The following ASAP1 variants were observed in gnomAD, a reference collection of about 807,000 sequenced individuals.
ASAP1 encodes the protein ArfGAP with SH3 domain, ankyrin repeat and PH domain 1.
A neutral mutation model predicts 145.2 loss-of-function variants in ASAP1; 43 were observed. The ratio of observed to expected loss-of-function variants is 0.30; its 90% confidence interval spans 0.23 to 0.38. The LOEUF (loss-of-function observed/expected upper bound fraction) is 0.38. Among genes scored for constraint, ASAP1 ranks in the 10% least tolerant of loss-of-function variants. The probability of loss-of-function intolerance (pLI) is 1.00; values close to 1 mark genes in which losing one functional copy is unlikely to be tolerated. For synonymous variants in ASAP1, 546 were observed against 515.5 expected (o/e 1.06, Z -0.80); for missense variants, 1,018 against 1,355.3 (o/e 0.75, Z 3.91).
chr8:130,129,801 A>C (rs1374955742), intron 15 of ASAP1, among the ~76,000 whole-genome samples: 1 of 152,220 alleles, frequency 6.6e-6, no homozygotes, highest in Non-Finnish European at 1.5e-5. Flanking sequence ...ACACAGCTTA[A>C]CTTCTGTGAT....
intron 23 of ASAP1, among the ~76,000 whole-genome samples, chr8:130,113,695 G>C (rs1413068283): frequency 1.3e-5 from 2 of 152,162 alleles, no homozygotes; most frequent in East Asian, 3.9e-4. Context: ...TTACTAGCTG[G>C]GAGACTTTAG....
At chr8:130,095,279 C>A (rs2097514917) in intron 24 of ASAP1, among the ~76,000 whole-genome samples, 4 of 145,138 alleles carry the variant, frequency 2.8e-5, no homozygotes. Flanking sequence ...CTACTTCTAT[C>A]TTTTTAGGCC....
At chr8:130,363,724 G>C (rs1826821431) in intron 2 of ASAP1, among the ~76,000 whole-genome samples, 1 of 152,220 alleles carries the variant, frequency 6.6e-6, no homozygotes, top group Admixed American at 6.5e-5. Context: ...GAGCCTGGCA[G>C]ACTCTAAATC....
intron 2 of ASAP1, among the ~76,000 whole-genome samples, chr8:130,383,661 A>AT (rs1201596714): frequency 2.0e-5 from 3 of 152,160 alleles, no homozygotes; most frequent in South Asian, 2.1e-4. Flanking sequence ...GAGATGTTAG[A>AT]TGGGGGATAA....
chr8:130,260,820 C>T (rs933739046), intron 3 of ASAP1, among the ~76,000 whole-genome samples: 5 of 152,112 alleles, frequency 3.3e-5, no homozygotes, highest in East Asian at 1.9e-4. Context: ...CATCCAGCCA[C>T]GGGATGAACA....
chr8:130,186,591 T>A (rs974154797), intron 7 of ASAP1, among the ~76,000 whole-genome samples: 2 of 152,096 alleles, frequency 1.3e-5, no homozygotes, highest in African/African-American at 4.8e-5. Context: ...ATTGTCCTAA[T>A]CCCTAACAAG....
Position 130,145,303 on chromosome 8 carries a change from T to A in ASAP1, c.1080+7433A>T, listed in dbSNP as rs769683169. On this transcript the variant is annotated intron_variant, in intron 13 of 29. Transcript: ENST00000518721. ...AATGCATTAATTTGATAGTAAAACATCTGAGCTATGGCATATGTTTTTTTC... is the reference window on the plus strand; with the variant it reads ...AATGCATTAATTTGATAGTAAAACAACTGAGCTATGGCATATGTTTTTTTC... Among the ~76,000 whole-genome samples the A allele has an allele frequency of 3.3e-5, 5 of 152,178 alleles. No individual in the cohort carries two copies. The East Asian group carries it at 9.6e-4, about 29-fold the overall frequency.
chr8:130,400,214 G>C (rs982331699), intron 2 of ASAP1, among the ~76,000 whole-genome samples: 1 of 152,090 alleles, frequency 6.6e-6, no homozygotes, highest in Non-Finnish European at 1.5e-5. Flanking sequence ...TCCACTACGC[G>C]GACTTCTTAG....
rs1209872039 is a variant in ASAP1 at position 130,280,910 on chromosome 8, T to TTTGTC, written c.187-43921_187-43917dup. Reference sequence around the variant, plus strand: ...CATAACCAAGAATCCATGTCAGTGATTTGTCTAACAGTCACTGATCTGTCT... The same window carrying TTTGTC: ...CATAACCAAGAATCCATGTCAGTGATTTGTCTTGTCTAACAGTCACTGATCTGTCT... On this transcript the variant is annotated intron_variant, in intron 3 of 29. Transcript: ENST00000518721. Among the ~76,000 whole-genome samples the TTTGTC allele has an allele frequency of 2.6e-5, 4 of 152,190 alleles. 1 individual carries two copies. Among genetic ancestry groups the TTTGTC allele is most frequent in the African/African-American group, 9.7e-5 (4 of 41,448 alleles).
chr8:130,060,848 G>C lies in ASAP1; in HGVS notation c.2923C>G (p.Pro975Ala). The change falls in exon 28 of 30, where the codon CCC becomes GCC. Residue 975 changes from proline to alanine, a missense_variant. Around this residue, in one of 9 missense-constraint regions of ASAP1, gnomAD observed 139 missense variants for 131.0 expected, o/e 1.06. Transcript: ENST00000518721. ...TTGGGAGGTAAGTCTGAGAGTTGGG[G>C]TTTGGGTGGCAGGTCCCCCAGCTGT... ...KPQLGDLPPK[P>A]QLSDLPPKPQ... The C allele has an allele frequency of 6.2e-7, 1 of 1,613,924 alleles. No individual in the cohort carries two copies. The highest frequency in any genetic ancestry group is 8.5e-7 in the Non-Finnish European group (1 of 1,179,988).
chr8:130,253,480 G>C (rs1819328818), intron 3 of ASAP1, among the ~76,000 whole-genome samples: 1 of 152,118 alleles, frequency 6.6e-6, no homozygotes, highest in Non-Finnish European at 1.5e-5. Context: ...TATGTGAATG[G>C]TGGTGCTACT....
At chr8:130,415,480 AAAAAC>A (rs527627505) in intron 1 of ASAP1, among the ~76,000 whole-genome samples, 11 of 152,112 alleles carry the variant, frequency 7.2e-5, no homozygotes, top group African/African-American at 2.2e-4. Context: ...TGTCTCTTAA[AAAAAC>A]AAAACAAAAC....
At chr8:130,378,563 G>A (rs537949382) in intron 2 of ASAP1, among the ~76,000 whole-genome samples, 63 of 152,328 alleles carry the variant, frequency 4.1e-4, no homozygotes, top group Non-Finnish European at 8.4e-4. Context: ...GGAGGGATTG[G>A]AGCTGAGGTC....
chr8:130,140,125 T>C (rs1375079457), intron 13 of ASAP1, among the ~76,000 whole-genome samples: 1 of 151,012 alleles, frequency 6.6e-6, no homozygotes, highest in Non-Finnish European at 1.5e-5. Context: ...CTCAACCTCC[T>C]AGGCTCAAGC....
intron 13 of ASAP1, among the ~76,000 whole-genome samples, chr8:130,138,260 T>C (rs2097599954): frequency 6.6e-6 from 1 of 152,200 alleles, no homozygotes; most frequent in Non-Finnish European, 1.5e-5. Flanking sequence ...TTTCAAGATC[T>C]TTCTCCCTCT....
intron 3 of ASAP1, among the ~76,000 whole-genome samples, chr8:130,341,797 A>T (rs943104596): frequency 1.3e-5 from 2 of 152,172 alleles, no homozygotes; most frequent in African/African-American, 2.4e-5. Flanking sequence ...CCAAAAAGAG[A>T]AACAGGAAAA....
intron 2 of ASAP1, among the ~76,000 whole-genome samples, chr8:130,363,516 T>G (rs1031025991): frequency 2.6e-5 from 4 of 152,220 alleles, no homozygotes; most frequent in African/African-American, 9.6e-5. Flanking sequence ...GTAAGTATAT[T>G]TATCCCAAAC....
At chr8:130,363,200 G>T (rs1307133264) in intron 2 of ASAP1, among the ~76,000 whole-genome samples, 1 of 152,112 alleles carries the variant, frequency 6.6e-6, no homozygotes, top group Admixed American at 6.5e-5. Flanking sequence ...CGATATTATG[G>T]GAACTTTGAA....
Position 130,180,886 on chromosome 8 carries a change from A to G in ASAP1, c.531-6T>C. 6.3e-7 allele frequency: 1 copy of G among 1,589,168 alleles called. No individual in the cohort carries two copies. Among genetic ancestry groups the G allele is most frequent in the Non-Finnish European group, 8.5e-7 (1 of 1,173,332 alleles). ...TCTCTTTCTCAATTTTTGTACTGTA[A>G]TTAAAGCCAATGTCATTATTTAAAA... is the stretch of plus-strand genomic sequence containing the variant. On this transcript the variant is annotated splice_polypyrimidine_tract_variant and splice_region_variant and intron_variant, in intron 7 of 29. Coordinates refer to ENST00000518721, the MANE Select transcript of ASAP1 (RefSeq NM_018482.4).
Sources: allele counts gnomAD v4.1 joint callset (sites outside exome capture counted in the v4.1 genomes callset), GRCh38; gene constraint gnomAD v4.1.1; regional missense constraint gnomAD v4.1.1; transcripts MANE v1.5; gene names NCBI Gene and HGNC (gene_info 2026-07-23, HGNC 2026-07-21).